NHSL2: variants seen among roughly 807,000 people sequenced by gnomAD.
The protein encoded by NHSL2 is NHS like 2.
In NHSL2, 27 loss-of-function variants were observed where a neutral mutation model predicts 53.4. That is an observed-to-expected ratio of 0.51 (90% CI 0.37 to 0.70). NHSL2 has a LOEUF of 0.70. NHSL2 is among the 30% of genes least tolerant of loss of function. NHSL2 has a pLI of 0.00. For synonymous variants in NHSL2, 408 were observed against 404.1 expected (o/e 1.01, Z -0.12); for missense variants, 892 against 980.1 (o/e 0.91, Z 1.20).
Position 72,148,972 on chromosome X carries a change from C to G in NHSL2, c.*5398C>G, listed in dbSNP as rs1230921070. 1.8e-5 allele frequency: 2 copies of G among 109,727 alleles called. No individual in the cohort carries two copies. Among genetic ancestry groups the G allele is most frequent in the African/African-American group, 6.7e-5 (2 of 30,056 alleles). 9.0% of individuals were successfully genotyped at this position (109,727 alleles called of 1,213,427 possible). A position where few individuals can be genotyped will look rare whatever the true frequency, so the allele number is the denominator to read the frequency against. Reference sequence around the variant, plus strand: ...TCCAACCTTTACCATTATTCTGGCTCTCATCATAAGGACCAGTCTCTGGCC... The same window carrying G: ...TCCAACCTTTACCATTATTCTGGCTGTCATCATAAGGACCAGTCTCTGGCC... On this transcript the variant is annotated 3_prime_UTR_variant, in exon 8 of 8. Transcript: ENST00000633930.
chrX:72,083,909 A>G (rs1211666133), intron 1 of NHSL2, among the ~76,000 whole-genome samples: 1 of 111,454 alleles, frequency 9.0e-6, no homozygotes, highest in African/African-American at 3.3e-5. Context: ...CCCAGATTTT[A>G]TTGCCCCTTA....
chrX:72,038,600 A>T (rs1224952466), intron 1 of NHSL2, among the ~76,000 whole-genome samples: 1 of 112,048 alleles, frequency 8.9e-6, no homozygotes, highest in Non-Finnish European at 1.9e-5. Flanking sequence ...ACAGTATATA[A>T]TATTGTTTTG....
chrX:72,124,074 G>A (rs1176631993), intron 1 of NHSL2, among the ~76,000 whole-genome samples: 1 of 111,675 alleles, frequency 9.0e-6, no homozygotes, highest in African/African-American at 3.3e-5. Flanking sequence ...GTGGCCTGCC[G>A]AGCTTTCCCT....
intron 1 of NHSL2, among the ~76,000 whole-genome samples, chrX:72,122,205 A>G (rs1256422103): frequency 2.7e-5 from 3 of 112,188 alleles, no homozygotes; most frequent in Non-Finnish European, 5.6e-5. Context: ...CTAAAAAAAG[A>G]CCAAGACCCT....
intron 1 of NHSL2, among the ~76,000 whole-genome samples, chrX:72,010,613 C>G (rs780366503): frequency 1.8e-5 from 2 of 112,253 alleles, no homozygotes; most frequent in Non-Finnish European, 3.8e-5. Context: ...ACCATATATA[C>G]TAATCTGCTT....
chrX:71,924,335 G>A (rs1384054937), intron 1 of NHSL2, among the ~76,000 whole-genome samples: 2 of 111,369 alleles, frequency 1.8e-5, no homozygotes, highest in Non-Finnish European at 3.8e-5. Flanking sequence ...TCCTGTTTAC[G>A]GCCCTCTCTG....
intron 1 of NHSL2, among the ~76,000 whole-genome samples, chrX:72,102,641 A>G (rs1393905570): frequency 2.7e-5 from 3 of 112,406 alleles, no homozygotes; most frequent in Non-Finnish European, 1.9e-5. Context: ...TATAAACTAT[A>G]AAGTATAATA....
At chrX:72,102,687 A>T (rs1472978009) in intron 1 of NHSL2, among the ~76,000 whole-genome samples, 2 of 112,563 alleles carry the variant, frequency 1.8e-5, no homozygotes, top group Non-Finnish European at 3.8e-5. Context: ...TTCTTAACAG[A>T]TATAATTTGT....
intron 1 of NHSL2, among the ~76,000 whole-genome samples, chrX:71,923,577 C>T (rs1439601694): frequency 8.9e-6 from 1 of 112,079 alleles, no homozygotes; most frequent in African/African-American, 3.3e-5. Flanking sequence ...GTGATATACC[C>T]TGTTCTTGGA....
At chrX:71,995,063 C>T (rs1212936471) in intron 1 of NHSL2, among the ~76,000 whole-genome samples, 8 of 112,197 alleles carry the variant, frequency 7.1e-5, no homozygotes, top group Non-Finnish European at 7.5e-5. Flanking sequence ...ATGGCAGTCT[C>T]AACTTTCCAA....
chrX:71,964,011 GTATATATATA>G (rs1382971808), intron 1 of NHSL2, among the ~76,000 whole-genome samples: 1 of 12,165 alleles, frequency 8.2e-5, no homozygotes, highest in Non-Finnish European at 4.5e-4. Flanking sequence ...ATATATATAT[GTATATATATA>G]TATGTGTATA....
chrX:71,951,039 C>CACACAA (rs1224072950), intron 1 of NHSL2, among the ~76,000 whole-genome samples: 1 of 109,312 alleles, frequency 9.1e-6, no homozygotes, highest in Non-Finnish European at 1.9e-5. Flanking sequence ...CACACACACA[C>CACACAA]AAATACCTGG....
In NHSL2 at chrX:72,140,699, G is replaced by T; in HGVS notation, c.3151G>T (p.Asp1051Tyr). ...EDTKCPATGD[D>Y]LQSLGQRVTS... ...CACCAAGTGTCCCGCCACCGGCGAT[G>T]ACCTGCAATCACTTGGTCAAAGGGT... is the stretch of plus-strand genomic sequence containing the variant. The change falls in exon 6 of 8, where the codon GAC becomes TAC. Residue 1051 changes from aspartate (D) to tyrosine (Y), a missense_variant. Physicochemically the swap from Asp to Tyr is radical, Grantham distance 160. Transcript: ENST00000633930. 1 of 1,209,783 alleles carries T rather than the reference G, an allele frequency of 8.3e-7. No individual in the cohort carries two copies. The highest frequency in any genetic ancestry group is 1.8e-5 in the South Asian group (1 of 56,600).
At chrX:72,129,807 T>C (rs751381746) in intron 1 of NHSL2, 1 of 1,173,024 alleles carries the variant, frequency 8.5e-7, no homozygotes, top group Non-Finnish European at 1.1e-6. Context: ...GGGTGTGTTC[T>C]GGGTGGCCAT....
chrX:72,124,038 T>G (rs1295906620), intron 1 of NHSL2, among the ~76,000 whole-genome samples: 1 of 111,838 alleles, frequency 8.9e-6, no homozygotes, highest in Non-Finnish European at 1.9e-5. Context: ...TATTTGTGTT[T>G]CTGTCTTTGG....
rs937373973 is a variant in NHSL2 at position 72,138,654 on chromosome X, G to A, written c.1106G>A (p.Ser369Asn). ...GGCCCAAACCCTCCTGGCATGGAGA[G>A]CATGGGAATGGTGTACAGTGTCCCC... ...RSGPNPPGMESMGMVYSVPSS... is the reference protein window; with the variant it reads ...RSGPNPPGMENMGMVYSVPSS... Residue 369 changes from serine (S) to asparagine (N), a missense_variant, in exon 6 of 8, where the codon AGC becomes AAC. Physicochemically the swap from Ser to Asn is conservative, Grantham distance 46 (BLOSUM62 1). Coordinates refer to ENST00000633930, the MANE Select transcript of NHSL2 (RefSeq NM_001013627.3). 6.8e-6 allele frequency: 8 copies of A among 1,178,879 alleles called. No homozygotes were observed. The highest frequency in any genetic ancestry group is 9.1e-6 in the Non-Finnish European group (8 of 878,098).
chrX:71,928,583 G>A (rs1460910404), intron 1 of NHSL2, among the ~76,000 whole-genome samples: 1 of 111,510 alleles, frequency 9.0e-6, no homozygotes, highest in African/African-American at 3.3e-5. Context: ...GCTGTGGATG[G>A]CATTTTTGGA....
chrX:72,009,951 C>G (rs2042109248), intron 1 of NHSL2, among the ~76,000 whole-genome samples: 1 of 113,122 alleles, frequency 8.8e-6, no homozygotes, highest in East Asian at 2.7e-4. Context: ...TTACTCATTC[C>G]TGCTGTTCAC....
At chrX:71,972,091 A>G (rs2051749287) in intron 1 of NHSL2, among the ~76,000 whole-genome samples, 2 of 109,606 alleles carry the variant, frequency 1.8e-5, no homozygotes, top group African/African-American at 6.7e-5. Flanking sequence ...CTGGAGTGCA[A>G]TGGTATGATC....
Sources: gnomAD v4.1 joint callset for allele counts (sites outside exome capture counted in the v4.1 genomes callset) on GRCh38, gnomAD v4.1.1 for gene constraint, MANE v1.5 for transcripts, NCBI Gene and HGNC (gene_info 2026-07-23, HGNC 2026-07-21) for gene names.